The following PPP2R2B variants were observed in gnomAD, a reference collection of about 807,000 sequenced individuals.
PPP2R2B encodes the protein serine/threonine-protein phosphatase 2A 55 kDa regulatory subunit B beta isoform.
Under a neutral mutation model 46.0 loss-of-function variants are expected in PPP2R2B, and 5 were observed. That is an observed-to-expected ratio of 0.11 (90% confidence interval 0.06 to 0.23). The LOEUF is 0.23. Ranked by LOEUF, PPP2R2B falls within the 10% of genes least tolerant of loss-of-function variation. The pLI, the probability that PPP2R2B is intolerant of heterozygous loss-of-function variation, is 1.00. For synonymous variants in PPP2R2B, 215 were observed against 206.7 expected (o/e 1.04, Z -0.34); for missense variants, 367 against 575.0 (o/e 0.64, Z 3.70).
intron 1 of PPP2R2B, among the ~76,000 whole-genome samples, chr5:147,011,438 A>G (rs1401112333): frequency 1.3e-5 from 2 of 152,174 alleles, no homozygotes; most frequent in Non-Finnish European, 2.9e-5. Flanking sequence ...ACAACTAACT[A>G]TATAACTTGC....
At chr5:146,906,601 C>T (rs987728632) in intron 1 of PPP2R2B, among the ~76,000 whole-genome samples, 1 of 152,170 alleles carries the variant, frequency 6.6e-6, no homozygotes, top group Non-Finnish European at 1.5e-5. Flanking sequence ...GGATTACAGG[C>T]GTGAGCCACC....
chr5:146,757,477 G>T (rs1462284614), intron 2 of PPP2R2B, among the ~76,000 whole-genome samples: 2 of 152,130 alleles, frequency 1.3e-5, no homozygotes, highest in African/African-American at 4.8e-5. Context: ...AACTGCTTTG[G>T]AGTTTAAAGG....
At chr5:146,683,955 T>C (rs1188926568) in intron 5 of PPP2R2B, among the ~76,000 whole-genome samples, 1 of 152,164 alleles carries the variant, frequency 6.6e-6, no homozygotes, top group Admixed American at 6.5e-5. Flanking sequence ...GAGATCTCAA[T>C]ATCCACCCGC....
intron 2 of PPP2R2B, among the ~76,000 whole-genome samples, chr5:146,842,334 C>G (rs970408665): frequency 6.6e-6 from 1 of 151,770 alleles, no homozygotes; most frequent in Non-Finnish European, 1.5e-5. Flanking sequence ...TTCCCACCCC[C>G]ACACATCCCC....
chr5:146,674,033 G>A (rs984896747), intron 5 of PPP2R2B, among the ~76,000 whole-genome samples: 1 of 152,088 alleles, frequency 6.6e-6, no homozygotes, highest in Non-Finnish European at 1.5e-5. Flanking sequence ...CCTCTTATCT[G>A]TCCTTTTATA....
chr5:146,624,719 G>A (rs753617490), intron 7 of PPP2R2B, among the ~76,000 whole-genome samples: 18 of 152,146 alleles, frequency 1.2e-4, no homozygotes, highest in South Asian at 2.1e-4. Context: ...CAGGTCTACC[G>A]TGTGGCCCAG....
intron 2 of PPP2R2B, among the ~76,000 whole-genome samples, chr5:146,807,625 G>A (rs1283117524): frequency 6.6e-6 from 1 of 151,772 alleles, no homozygotes; most frequent in East Asian, 1.9e-4. Context: ...GATGAGAAAT[G>A]TGGATCTTGG....
At chr5:146,883,170 A>G (rs186368673), upstream of PPP2R2B, among the ~76,000 whole-genome samples, 13 of 152,350 alleles carry the variant, frequency 8.5e-5, no homozygotes, top group East Asian at 2.5e-3. Context: ...TATAAATTTC[A>G]TGACCTTTGG....
intron 1 of PPP2R2B, among the ~76,000 whole-genome samples, chr5:147,040,565 C>T (rs1157667376): frequency 6.6e-6 from 1 of 152,068 alleles, no homozygotes; most frequent in African/African-American, 2.4e-5. Flanking sequence ...TAATAAATGA[C>T]TGTCCCAAAT....
At chr5:146,677,798 G>C (rs1300553293) in intron 5 of PPP2R2B, among the ~76,000 whole-genome samples, 19 of 152,060 alleles carry the variant, frequency 1.2e-4, no homozygotes, top group Non-Finnish European at 2.8e-4. Flanking sequence ...AAAGTGCTGG[G>C]ATTACAGGCG....
At chr5:146,671,903 C>T (rs1013301644) in intron 5 of PPP2R2B, among the ~76,000 whole-genome samples, 5 of 151,974 alleles carry the variant, frequency 3.3e-5, no homozygotes, top group Non-Finnish European at 7.4e-5. Context: ...GTGGAGGACT[C>T]GGGGACAGGT....
chr5:146,644,752 T>C (rs1187372128), intron 6 of PPP2R2B, among the ~76,000 whole-genome samples: 1 of 152,198 alleles, frequency 6.6e-6, no homozygotes, highest in African/African-American at 2.4e-5. Context: ...TCTAAGAATT[T>C]TGATTATTAA....
chr5:146,813,065 G>T (rs1353259655), intron 2 of PPP2R2B, among the ~76,000 whole-genome samples: 1 of 149,920 alleles, frequency 6.7e-6, no homozygotes, highest in Admixed American at 6.7e-5. Flanking sequence ...CACACATCTG[G>T]TGAATCATCC....
chr5:146,638,735 C>G (rs1008764414), intron 6 of PPP2R2B, among the ~76,000 whole-genome samples: 5 of 152,102 alleles, frequency 3.3e-5, no homozygotes, highest in Non-Finnish European at 5.9e-5. Context: ...CTAAAATGTA[C>G]CAAGTTGCAA....
intron 1 of PPP2R2B, among the ~76,000 whole-genome samples, chr5:147,023,179 G>T (rs1269330340): frequency 6.6e-6 from 1 of 152,148 alleles, no homozygotes; most frequent in Non-Finnish European, 1.5e-5. Context: ...ACATGCTGTT[G>T]TAAGGTTCTT....
intron 5 of PPP2R2B, among the ~76,000 whole-genome samples, chr5:146,681,678 C>T (rs1778182892): frequency 6.6e-6 from 1 of 152,164 alleles, no homozygotes; most frequent in Non-Finnish European, 1.5e-5. Context: ...TTGAGAAAAT[C>T]CTATCTGGGT....
Position 146,878,146 on chromosome 5 carries a change from C to T in PPP2R2B, c.-75G>A. On this transcript the variant is annotated 5_prime_UTR_variant, in exon 2 of 10. The change abolishes the stop of an existing upstream ORF in the 5' untranslated region. Transcript: ENST00000394411. The surrounding 1 kb of genome is among the most constrained non-coding windows in gnomAD (Gnocchi z 4.5). ...CATGATCCCTCCCCGCAGCCAGTCT[C>T]ACAGGAGAGGGGGGCAGGGGAGCCA... 6.2e-7 allele frequency: 1 copy of T among 1,609,844 alleles called. No individual in the cohort carries two copies. The highest frequency in any genetic ancestry group is 1.1e-5 in the South Asian group (1 of 90,618).
chr5:146,961,761 T>C (rs1386595816), intron 1 of PPP2R2B, among the ~76,000 whole-genome samples: 1 of 152,118 alleles, frequency 6.6e-6, no homozygotes, highest in Non-Finnish European at 1.5e-5. Flanking sequence ...ACTGGATATT[T>C]AAACTTAAGC....
At chr5:146,858,079 C>T (rs1000538524) in intron 2 of PPP2R2B, among the ~76,000 whole-genome samples, 1 of 152,114 alleles carries the variant, frequency 6.6e-6, no homozygotes, top group Non-Finnish European at 1.5e-5. Context: ...TTACAGGCAC[C>T]GTCACTTTTA....
Sources: allele counts gnomAD v4.1 joint callset (sites outside exome capture counted in the v4.1 genomes callset), GRCh38; gene constraint gnomAD v4.1.1; non-coding constraint Gnocchi (gnomAD v3.1); transcripts MANE v1.5; gene names NCBI Gene and HGNC (gene_info 2026-07-23, HGNC 2026-07-21).